The following TNFSF4 variants were observed in gnomAD, a reference collection of about 807,000 sequenced individuals.
TNFSF4 encodes the protein TNF superfamily member 4, also known as tumor necrosis factor ligand superfamily member 4.
A neutral mutation model predicts 7.3 loss-of-function variants in TNFSF4; 4 were observed. The ratio of observed to expected loss-of-function variants is 0.55; its 90% CI spans 0.27 to 1.25. TNFSF4 has a LOEUF of 1.25. Among genes scored for constraint, TNFSF4 ranks in the 50% most tolerant of loss-of-function variants. TNFSF4 has a pLI of 0.12. For missense variants in TNFSF4, 181 were observed against 208.8 expected (o/e 0.87, Z 0.82); for synonymous variants, 76 against 83.7 (o/e 0.91, Z 0.50).
At chr1:173,383,676 A>G in the TNFSF4 span, among the ~76,000 whole-genome samples, 2 of 151,170 alleles carry the variant, frequency 1.3e-5, no homozygotes, top group South Asian at 4.1e-4. Context: ...CAATTTAATC[A>G]TACTGTAGAT....
chr1:173,272,356 A>G, the TNFSF4 span, among the ~76,000 whole-genome samples: 2 of 152,038 alleles, frequency 1.3e-5, no homozygotes, highest in Non-Finnish European at 2.9e-5. Flanking sequence ...TAAAAAAAAC[A>G]GATTCTGAGA....
At chr1:173,229,493 G>C in the TNFSF4 span, among the ~76,000 whole-genome samples, 1 of 152,200 alleles carries the variant, frequency 6.6e-6, no homozygotes, top group Non-Finnish European at 1.5e-5. Context: ...AAATTGTAAA[G>C]ACCATCGATG....
the TNFSF4 span, among the ~76,000 whole-genome samples, chr1:173,331,723 G>C: frequency 3.9e-5 from 6 of 152,192 alleles, no homozygotes; most frequent in African/African-American, 1.4e-4. Context: ...TTTGCAGTCA[G>C]AAGACATGAG....
chr1:173,338,010 G>GA, the TNFSF4 span, among the ~76,000 whole-genome samples: 1 of 152,132 alleles, frequency 6.6e-6, no homozygotes, highest in East Asian at 1.9e-4. Flanking sequence ...ATAGGATCAT[G>GA]AAAAAACAGG....
chr1:173,438,776 A>C, the TNFSF4 span, among the ~76,000 whole-genome samples: 1 of 152,188 alleles, frequency 6.6e-6, no homozygotes, highest in East Asian at 1.9e-4. Flanking sequence ...AGGTCTGAAG[A>C]AAGCTGAAAG....
chr1:173,205,587 A>G, intron 1 of TNFSF4: 2 of 1,188,132 alleles, frequency 1.7e-6, no homozygotes, highest in Non-Finnish European at 2.1e-6. Flanking sequence ...GAAATATGTA[A>G]CACTGTGGTT....
chr1:173,348,668 GA>G, the TNFSF4 span, among the ~76,000 whole-genome samples: 2 of 152,110 alleles, frequency 1.3e-5, no homozygotes, highest in African/African-American at 4.8e-5. Flanking sequence ...TAGCAAGAAT[GA>G]TCAAGAAAAA....
chr1:173,295,330 C>T, the TNFSF4 span, among the ~76,000 whole-genome samples: 5 of 151,970 alleles, frequency 3.3e-5, no homozygotes, highest in African/African-American at 1.2e-4. Context: ...TGAAAACAAC[C>T]TAAATTCATC....
At chr1:173,388,207 T>C in the TNFSF4 span, among the ~76,000 whole-genome samples, 5 of 152,272 alleles carry the variant, frequency 3.3e-5, no homozygotes, top group Non-Finnish European at 4.4e-5. Context: ...ATAGTATTAT[T>C]GACATCAAAA....
At chr1:173,336,355 T>C in the TNFSF4 span, among the ~76,000 whole-genome samples, 1 of 152,226 alleles carries the variant, frequency 6.6e-6, no homozygotes, top group South Asian at 2.1e-4. Flanking sequence ...TTACAGTGTA[T>C]TATCTTAAGT....
chr1:173,177,500 G>T, the TNFSF4 span, among the ~76,000 whole-genome samples: 3 of 152,056 alleles, frequency 2.0e-5, no homozygotes, highest in Admixed American at 6.5e-5. Context: ...GTTCTTACAT[G>T]GGTGACGAAA....
the TNFSF4 span, among the ~76,000 whole-genome samples, chr1:173,324,568 C>A: frequency 1.7e-4 from 26 of 152,250 alleles, no homozygotes; most frequent in East Asian, 3.9e-3. Context: ...CACAGACTAG[C>A]AAATTGAATA....
the TNFSF4 span, among the ~76,000 whole-genome samples, chr1:173,223,204 T>C: frequency 1.3e-5 from 2 of 152,020 alleles, no homozygotes; most frequent in African/African-American, 2.4e-5. Flanking sequence ...AGTACCTCAA[T>C]TCACAGGGTT....
the TNFSF4 span, among the ~76,000 whole-genome samples, chr1:173,235,895 C>A: frequency 3.3e-5 from 5 of 152,020 alleles, no homozygotes; most frequent in African/African-American, 1.2e-4. Context: ...GATTACTAAC[C>A]CTCCATATTT....
chr1:173,400,108 G>A, the TNFSF4 span, among the ~76,000 whole-genome samples: 1 of 152,220 alleles, frequency 6.6e-6, no homozygotes, highest in Non-Finnish European at 1.5e-5. Context: ...CACTGTCATG[G>A]CATTTCACAC....
chr1:173,413,117 G>C, the TNFSF4 span, among the ~76,000 whole-genome samples: 2 of 152,180 alleles, frequency 1.3e-5, no homozygotes, highest in Non-Finnish European at 2.9e-5. Flanking sequence ...TGAGGAAAAA[G>C]ATGTTCTAAG....
chr1:173,233,842 C>T, the TNFSF4 span, among the ~76,000 whole-genome samples: 1 of 152,218 alleles, frequency 6.6e-6, no homozygotes, highest in South Asian at 2.1e-4. Context: ...ACCATAAAAA[C>T]CCTAGAAGAA....
the TNFSF4 span, among the ~76,000 whole-genome samples, chr1:173,321,815 G>T: frequency 0.44 from 67,532 of 151,766 alleles, 16,529 homozygotes; most frequent in East Asian, 0.72. Context: ...GTCAGGAAAT[G>T]AGATGCTGGA....
At chr1:173,321,335 G>A in the TNFSF4 span, among the ~76,000 whole-genome samples, 1 of 152,110 alleles carries the variant, frequency 6.6e-6, no homozygotes, top group Non-Finnish European at 1.5e-5. Flanking sequence ...ATTCAATATG[G>A]ATTAAAGACT....
Sources: allele counts gnomAD v4.1 joint callset (sites outside exome capture counted in the v4.1 genomes callset), GRCh38; gene constraint gnomAD v4.1.1; transcripts MANE v1.5; gene names NCBI Gene and HGNC (gene_info 2026-07-23, HGNC 2026-07-21).